Variants in SCN2A observed in about 807,000 individuals in gnomAD.
SCN2A encodes the protein sodium voltage-gated channel alpha subunit 2.
A neutral mutation model predicts 188.7 loss-of-function variants in SCN2A; 20 were observed. That is an observed-to-expected ratio of 0.11 (90% CI 0.07 to 0.15). The LOEUF (loss-of-function observed/expected upper bound fraction) is 0.15. Among genes scored for constraint, SCN2A ranks in the 10% least tolerant of loss-of-function variants. The probability of loss-of-function intolerance (pLI) is 1.00; values close to 1 mark genes in which losing one functional copy is unlikely to be tolerated. For missense variants in SCN2A, 1,278 were observed against 2,445.0 expected (o/e 0.52, Z 10.07); for synonymous variants, 804 against 833.1 (o/e 0.97, Z 0.60).
At chr2:165,266,919 G>T (rs565186384) in intron 1 of SCN2A, 1 of 151,966 alleles carries the variant, frequency 6.6e-6, no homozygotes, top group Admixed American at 6.6e-5. Flanking sequence ...TCATTTTAAA[G>T]CATCAAAAAT....
intron 3 of SCN2A, among the ~76,000 whole-genome samples, chr2:165,299,411 T>C (rs1185278426): frequency 6.6e-6 from 1 of 152,248 alleles, no homozygotes; most frequent in African/African-American, 2.4e-5. Flanking sequence ...AGTTGAGCTG[T>C]TGATTCTCTG....
At position 165,354,590 on chromosome 2, in the gene SCN2A, A is replaced by G. The variant is rs751746800; in HGVS notation, c.3318A>G (p.Pro1106=). 7 of 1,614,094 alleles carry G rather than the reference A, an allele frequency of 4.3e-6. No individual in the cohort carries two copies. Among genetic ancestry groups the G allele is most frequent in the East Asian group, 4.5e-5 (2 of 44,856 alleles). Residue 1106 remains proline (P), a synonymous_variant, in exon 17 of 27, where the codon CCA becomes CCG. Transcript: ENST00000375437. The part of the protein sequence containing the change: ...INNPSLTVTV[P]IAVGESDFEN... ...ACCCTAGCCTCACTGTGACAGTACC[A>G]ATTGCTGTTGGAGAATCTGACTTTG... is the stretch of plus-strand genomic sequence containing the variant.
chr2:165,360,025 A>G (rs1296492300), intron 17 of SCN2A, among the ~76,000 whole-genome samples: 2 of 151,972 alleles, frequency 1.3e-5, no homozygotes, highest in Non-Finnish European at 2.9e-5. Flanking sequence ...TCAGAAACCA[A>G]AATTGTCAGA....
intron 13 of SCN2A, 83 bp downstream of exon 13, chr2:165,327,067 C>A: frequency 1.3e-6 from 2 of 1,494,096 alleles, no homozygotes; most frequent in Non-Finnish European, 9.3e-7. Flanking sequence ...TAAAATACTT[C>A]CTGACTTGAT....
intron 1 of SCN2A, among the ~76,000 whole-genome samples, chr2:165,292,840 G>A (rs1696291933): frequency 6.6e-6 from 1 of 152,124 alleles, no homozygotes; most frequent in Non-Finnish European, 1.5e-5. Flanking sequence ...GATAATGAAA[G>A]CACTTATCCA....
rs555092046 is a variant in SCN2A at position 165,318,973 on chromosome 2, A to G, written c.1671+3215A>G. On this transcript the variant is annotated intron_variant, in intron 11 of 26. Coordinates refer to ENST00000375437, the MANE Select transcript of SCN2A (RefSeq NM_001040142.2). Reference sequence around the variant, plus strand: ...AAGAATGAATGTTACTAATGTAGTTAATAGGATTAAAAAGCATGGGAACAA... The same window carrying G: ...AAGAATGAATGTTACTAATGTAGTTGATAGGATTAAAAAGCATGGGAACAA... 2.6e-5 allele frequency among the ~76,000 whole-genome samples: 4 copies of G among 152,364 alleles called. No homozygotes were observed. The East Asian group carries it at 7.7e-4, about 29-fold the overall frequency.
At chr2:165,245,944 C>G (rs967736543) in intron 1 of SCN2A, among the ~76,000 whole-genome samples, 14 of 152,298 alleles carry the variant, frequency 9.2e-5, no homozygotes, top group African/African-American at 3.1e-4. Context: ...ATAAATCCAT[C>G]AACCGAAATC....
chr2:165,339,021 A>G (rs1030350187), intron 14 of SCN2A, among the ~76,000 whole-genome samples: 3 of 152,200 alleles, frequency 2.0e-5, no homozygotes, highest in African/African-American at 7.2e-5. Flanking sequence ...GGAGTTCGAG[A>G]CCAGCCTGGC....
chr2:165,266,112 G>A (rs1030644534), intron 1 of SCN2A, among the ~76,000 whole-genome samples: 1 of 151,896 alleles, frequency 6.6e-6, no homozygotes, highest in Non-Finnish European at 1.5e-5. Flanking sequence ...ATCTATGATG[G>A]TCTAATGAAC....
chr2:165,263,288 T>C (rs1187263951), intron 1 of SCN2A, among the ~76,000 whole-genome samples: 2 of 152,148 alleles, frequency 1.3e-5, no homozygotes, highest in Non-Finnish European at 2.9e-5. Flanking sequence ...GCACTTGCTT[T>C]TGGGTTTTGA....
chr2:165,296,460 T>A (rs1397155317), intron 2 of SCN2A: 1 of 262,582 alleles, frequency 3.8e-6, no homozygotes, highest in African/African-American at 2.2e-5. Flanking sequence ...AATTTTATTT[T>A]TTATATTTGC....
rs1225687118 is a variant in SCN2A at position 165,373,245 on chromosome 2, T to C, written c.3870T>C (p.Thr1290=). The C allele has an allele frequency of 6.2e-7, 1 of 1,613,468 alleles. No individual in the cohort carries two copies. Among genetic ancestry groups the C allele is most frequent in the African/African-American group, 1.3e-5 (1 of 75,018 alleles). Residue 1290 remains threonine, a synonymous_variant, in exon 21 of 27, where the codon ACT becomes ACC. Transcript: ENST00000375437. The stretch of plus-strand genomic sequence containing the variant: ...TATAGGTCTCACTGGTTAGCTTAAC[T>C]GCAAATGCCTTGGGTTACTCAGAAC... ...LIVDVSLVSL[T]ANALGYSELG... is the part of the protein sequence containing the mutation.
At chr2:165,290,644 C>A in intron 1 of SCN2A, 2 of 248,532 alleles carry the variant, frequency 8.0e-6, no homozygotes, top group African/African-American at 2.3e-5. Context: ...ATTTGTATAA[C>A]AAGTTGGTAT....
chr2:165,358,354 C>A (rs749225825), intron 17 of SCN2A, among the ~76,000 whole-genome samples: 20 of 151,996 alleles, frequency 1.3e-4, no homozygotes, highest in Non-Finnish European at 2.6e-4. Context: ...GCAAACTTCC[C>A]AAAGGATGTT....
At chr2:165,276,959 A>G (rs1400249976) in intron 1 of SCN2A, among the ~76,000 whole-genome samples, 1 of 152,170 alleles carries the variant, frequency 6.6e-6, no homozygotes, top group African/African-American at 2.4e-5. Flanking sequence ...GCGGATCACG[A>G]GGTCAGGAGA....
chr2:165,275,727 C>T lies in SCN2A; in HGVS notation c.-51-20046C>T, dbSNP rs1574483936. The stretch of plus-strand genomic sequence containing the variant: ...TCTGTTATGTATACTGGATGTTTTA[C>T]TTGAGTTATACCCTTTTTTTTTTCC... On this transcript the variant is annotated intron_variant, in intron 1 of 26. Coordinates refer to ENST00000375437, the MANE Select transcript of SCN2A (RefSeq NM_001040142.2). Among the ~76,000 whole-genome samples the T allele has an allele frequency of 7.2e-5, 11 of 152,048 alleles. No individual in the cohort carries two copies. In the South Asian group the frequency reaches 2.3e-3, roughly 32 times the overall value.
Position 165,309,339 on chromosome 2 carries a change from C to T in SCN2A, c.606-13C>T. On this transcript the variant is annotated splice_polypyrimidine_tract_variant and intron_variant, in intron 5 of 26. Transcript: ENST00000375437. ...TTCTGTCATTGTGTTTGTGTGTGAACCCCCTATTACAGATATGTGACAGAG... is the reference window on the plus strand; with the variant it reads ...TTCTGTCATTGTGTTTGTGTGTGAATCCCCTATTACAGATATGTGACAGAG... The T allele has an allele frequency of 6.2e-7, 1 of 1,613,562 alleles. No homozygotes were observed.
At position 165,389,579 on chromosome 2, in the gene SCN2A, G is replaced by A. The variant is rs145727224; in HGVS notation, c.5773G>A (p.Val1925Ile). Residue 1925 changes from valine to isoleucine, a missense_variant, in exon 27 of 27, where the codon GTT becomes ATT. Coordinates refer to ENST00000375437, the MANE Select transcript of SCN2A (RefSeq NM_001040142.2). The surrounding 1 kb of genome is among the most constrained non-coding windows in gnomAD (Gnocchi z 4.2). ...CAGACGCTACCTCTTGAAGCAAAAAGTTAAAAAGGTATCAAGTATATACAA... is the reference window on the plus strand; with the variant it reads ...CAGACGCTACCTCTTGAAGCAAAAAATTAAAAAGGTATCAAGTATATACAA... ...AYRRYLLKQKVKKVSSIYKKD... is the reference protein window; with the variant it reads ...AYRRYLLKQKIKKVSSIYKKD... 3.1e-6 allele frequency: 5 copies of A among 1,613,706 alleles called. No individual in the cohort carries two copies. The African/African-American group carries it at 4.0e-5, about 13-fold the overall frequency.
chr2:165,263,299 A>C (rs1215251641), intron 1 of SCN2A, among the ~76,000 whole-genome samples: 2 of 151,846 alleles, frequency 1.3e-5, no homozygotes, highest in African/African-American at 4.8e-5. Context: ...TGGGTTTTGA[A>C]GTCTTTGCCC....
Sources: allele counts gnomAD v4.1 joint callset (sites outside exome capture counted in the v4.1 genomes callset), GRCh38; gene constraint gnomAD v4.1.1; non-coding constraint Gnocchi (gnomAD v3.1); transcripts MANE v1.5; gene names NCBI Gene and HGNC (gene_info 2026-07-23, HGNC 2026-07-21).